Variants in TFR2 observed in about 807,000 individuals in gnomAD.
TFR2 encodes the protein transferrin receptor protein 2.
Under a neutral mutation model 91.9 loss-of-function variants are expected in TFR2, and 64 were observed. The ratio of observed to expected loss-of-function variants is 0.70; its 90% CI spans 0.57 to 0.86. The LOEUF is 0.86. Among genes scored for constraint, TFR2 ranks in the 40% least tolerant of loss-of-function variants. The probability of loss-of-function intolerance (pLI) is 0.00; values close to 1 mark genes in which losing one functional copy is unlikely to be tolerated. For missense variants in TFR2, 950 were observed against 1,080.5 expected (o/e 0.88, Z 1.69); for synonymous variants, 454 against 459.6 (o/e 0.99, Z 0.15).
intron 17 of TFR2, among the ~76,000 whole-genome samples, chr7:100,624,226 C>T (rs4729597): frequency 0.69 from 105,338 of 151,940 alleles, 37,165 homozygotes; most frequent in African/African-American, 0.81. Context: ...ATTTGGTGGT[C>T]CCCTCCCCTC....
intron 3 of TFR2, among the ~76,000 whole-genome samples, chr7:100,635,594 C>T (rs1430568849): frequency 2.0e-5 from 3 of 151,708 alleles, no homozygotes; most frequent in South Asian, 2.1e-4. Context: ...TATAGGTGCC[C>T]GCCAACATGC....
intron 16 of TFR2, 24 bp downstream of exon 16, chr7:100,627,240 A>C (rs1414171574): frequency 6.5e-7 from 1 of 1,547,274 alleles, no homozygotes. Flanking sequence ...CCCAGAGACC[A>C]AGAGCGGGGT....
At chr7:100,629,879 GGGA>G (rs1464776009) in intron 9 of TFR2, among the ~76,000 whole-genome samples, 1 of 152,148 alleles carries the variant, frequency 6.6e-6, no homozygotes, top group Non-Finnish European at 1.5e-5. Flanking sequence ...CTGAGTAGCT[GGGA>G]GTACAGGCGC....
At chr7:100,632,060 C>G (rs373426971) in intron 7 of TFR2, 22 bp downstream of exon 7, 1 of 1,613,922 alleles carries the variant, frequency 6.2e-7, no homozygotes, top group South Asian at 1.1e-5. Flanking sequence ...GGGAACAGCA[C>G]GACCAGCCTC....
At chr7:100,636,047 C>T (rs1803566308) in intron 3 of TFR2, among the ~76,000 whole-genome samples, 1 of 152,174 alleles carries the variant, frequency 6.6e-6, no homozygotes. Context: ...TCACCACCAC[C>T]TGCTTAGCTT....
chr7:100,627,938 A>C lies in TFR2; in HGVS notation c.1574T>G (p.Leu525Arg), dbSNP rs1247497047. ...CAGGACACTCTCAATGAGACTTGTC[A>C]GAAGGGGGCTGGTCTTGGCATGAAA... ...DKFHAKTSPL[L>R]TSLIESVLKQ... The change falls in exon 13 of 18, where the codon CTG (leucine) becomes CGG (arginine). Residue 525 changes from leucine to arginine, a missense_variant. Transcript: ENST00000223051. 1 of 1,614,028 alleles carries C rather than the reference A, an allele frequency of 6.2e-7. No individual in the cohort carries two copies. The highest frequency in any genetic ancestry group is 1.7e-5 in the Admixed American group (1 of 60,004).
chr7:100,628,634 T>A (rs1803336163), intron 10 of TFR2, among the ~76,000 whole-genome samples: 1 of 152,122 alleles, frequency 6.6e-6, no homozygotes, highest in South Asian at 2.1e-4. Flanking sequence ...ATTCCTGGTC[T>A]CCAGCGATTC....
Position 100,620,616 on chromosome 7 carries a change from G to A in TFR2, c.*241C>T. On this transcript the variant is annotated 3_prime_UTR_variant, in exon 18 of 18. Coordinates refer to ENST00000223051, the MANE Select transcript of TFR2 (RefSeq NM_003227.4). ...AAGGGGAAGGGGCTGTGATTGAAGG[G>A]ATGCTACTCTCTGATTAACCGACAG... 1.9e-6 allele frequency: 1 copy of A among 525,456 alleles called. No individual in the cohort carries two copies. The highest frequency in any genetic ancestry group is 2.3e-5 in the South Asian group (1 of 43,236). The allele number at this position is 525,456 out of a possible 1,614,324, so 32.5% of individuals were successfully genotyped here.
intron 3 of TFR2, among the ~76,000 whole-genome samples, chr7:100,635,754 G>A (rs1277062451): frequency 1.3e-5 from 2 of 151,582 alleles, no homozygotes; most frequent in South Asian, 2.1e-4. Context: ...GTGAGCCACC[G>A]TGCCTGGTCA....
chr7:100,640,622 G>T, intron 3 of TFR2, 64 bp downstream of exon 3: 1 of 1,573,346 alleles, frequency 6.4e-7, no homozygotes, highest in Non-Finnish European at 8.6e-7. Flanking sequence ...GAGGCAGGGA[G>T]GCCCAGTCTG....
intron 17 of TFR2, chr7:100,626,343 C>A (rs1226916131): frequency 1.5e-6 from 1 of 647,200 alleles, no homozygotes; most frequent in African/African-American, 2.0e-5. Flanking sequence ...GAAAACAGCT[C>A]TCTTACTCTG....
intron 9 of TFR2, among the ~76,000 whole-genome samples, chr7:100,630,452 G>A (rs182579739): frequency 2.6e-5 from 4 of 152,180 alleles, no homozygotes; most frequent in Non-Finnish European, 4.4e-5. Context: ...ACCGGGCCCA[G>A]CTAATGTTTG....
rs80338876 is a variant in TFR2 at position 100,641,198 on chromosome 7, C to T, written c.64G>A (p.Val22Ile). Reference protein sequence around the residue: ...QQLSPRSSQTVYQRVEGPRKG... With the variant: ...QQLSPRSSQTIYQRVEGPRKG... ...CGGGGGCCTTCCACACGCTGGTAGA[C>T]GGTCTGAGAGGATCTTGGGGACAGT... The change falls in exon 2 of 18, where the codon GTC becomes ATC. Residue 22 changes from valine (V) to isoleucine (I), a missense_variant. Physicochemically the swap from Val to Ile is conservative, Grantham distance 29. Coordinates refer to ENST00000223051, the MANE Select transcript of TFR2 (RefSeq NM_003227.4). 1.2e-4 allele frequency: 178 copies of T among 1,532,550 alleles called. No homozygotes were observed. The highest frequency in any genetic ancestry group is 1.4e-4 in the Non-Finnish European group (156 of 1,137,118). 94.9% of individuals were successfully genotyped at this position (1,532,550 alleles called of 1,614,324 possible).
intron 16 of TFR2, 21 bp from the exon 17 acceptor site, chr7:100,626,924 C>T: frequency 6.5e-7 from 1 of 1,532,162 alleles, no homozygotes; most frequent in Non-Finnish European, 8.8e-7. Context: ...GAGGCGCGGG[C>T]TGGGGCTGGC....
At chr7:100,640,512 C>T (rs1803674846) in intron 3 of TFR2, 174 bp downstream of exon 3, 10 of 714,200 alleles carry the variant, frequency 1.4e-5, no homozygotes, top group East Asian at 2.7e-5. Context: ...ACCTCAGCTC[C>T]GAATGCCTGC....
intron 17 of TFR2, among the ~76,000 whole-genome samples, chr7:100,622,860 G>A (rs1803144822): frequency 6.6e-6 from 1 of 152,210 alleles, no homozygotes; most frequent in Non-Finnish European, 1.5e-5. Context: ...TCAGGAGGCT[G>A]AGGCACAAGA....
At chr7:100,637,835 AT>A (rs71126327) in intron 3 of TFR2, among the ~76,000 whole-genome samples, 9 of 144,112 alleles carry the variant, frequency 6.2e-5, no homozygotes, top group South Asian at 2.2e-4. Flanking sequence ...ATGTAATTTA[AT>A]TTTTTTTTTT....
intron 8 of TFR2, 82 bp downstream of exon 8, chr7:100,631,724 T>C: frequency 1.3e-6 from 2 of 1,541,404 alleles, no homozygotes; most frequent in Non-Finnish European, 1.8e-6. Flanking sequence ...CTTTTTCTAG[T>C]TCACCCACAA....
chr7:100,632,342 C>T (rs1584459888), intron 6 of TFR2, 144 bp from the exon 7 acceptor site: 2 of 795,622 alleles, frequency 2.5e-6, no homozygotes, highest in Non-Finnish European at 2.1e-6. Context: ...CCTGTGTCTT[C>T]CCAACCTCAG....
Sources: gnomAD v4.1 joint callset for allele counts (sites outside exome capture counted in the v4.1 genomes callset) on GRCh38, gnomAD v4.1.1 for gene constraint, MANE v1.5 for transcripts, NCBI Gene and HGNC (gene_info 2026-07-23, HGNC 2026-07-21) for gene names.